ZNF41: variants seen among roughly 807,000 people sequenced by gnomAD.
The protein encoded by ZNF41 is zinc finger protein 41.
In ZNF41, 6 loss-of-function variants were observed where a neutral mutation model predicts 9.3. The observed-to-expected ratio is 0.65, with a 90% CI of 0.35 to 1.28. ZNF41 has a LOEUF of 1.28. Among genes scored for constraint, ZNF41 ranks in the 50% most tolerant of loss-of-function variants. The probability of loss-of-function intolerance (pLI) is 0.03; values close to 1 mark genes in which losing one functional copy is unlikely to be tolerated. For synonymous variants in ZNF41, 192 were observed against 207.1 expected (o/e 0.93, Z 0.63); for missense variants, 523 against 585.8 (o/e 0.89, Z 1.11).
intron 2 of ZNF41, among the ~76,000 whole-genome samples, chrX:47,462,211 G>A (rs1193945767): frequency 9.0e-6 from 1 of 110,613 alleles, no homozygotes; most frequent in East Asian, 2.8e-4. Flanking sequence ...ACTCCTCCCT[G>A]TCCATCTGAG....
chrX:47,468,200 A>C (rs751866108), intron 1 of ZNF41, among the ~76,000 whole-genome samples: 2 of 111,356 alleles, frequency 1.8e-5, no homozygotes, highest in East Asian at 5.6e-4. Context: ...AGGGGGAAGG[A>C]CAAGGATTCA....
intron 2 of ZNF41, among the ~76,000 whole-genome samples, chrX:47,466,340 G>A (rs1348978303): frequency 9.0e-6 from 1 of 110,586 alleles, no homozygotes; most frequent in Non-Finnish European, 1.9e-5. Flanking sequence ...TGGCTCGCTC[G>A]TGGTCCTCCT....
Position 47,448,065 on chromosome X carries a change from G to T in ZNF41, c.1705C>A (p.His569Asn), listed in dbSNP as rs770713131. 1.2e-5 allele frequency: 14 copies of T among 1,209,831 alleles called. No homozygotes were observed. In the East Asian group the frequency reaches 4.1e-4, roughly 36 times the overall value. ...CTCTCTCCAATATGAGATTTCTGAT[G>T]TATTTTGAGGCGCGACTTCCATATG... The part of the protein sequence containing the change: ...AFIWKSRLKI[H>N]QKSHIGERHY... The change falls in exon 5 of 5, where the codon CAT (histidine) becomes AAT (asparagine). Residue 569 changes from histidine to asparagine, a missense_variant. Transcript: ENST00000684689.
intron 2 of ZNF41, among the ~76,000 whole-genome samples, chrX:47,465,854 G>A (rs1016578480): frequency 4.5e-5 from 5 of 112,130 alleles, no homozygotes; most frequent in South Asian, 3.7e-4. Flanking sequence ...ATAGTGAACT[G>A]GCTAAATTAT....
chrX:47,455,956 A>G lies in ZNF41; in HGVS notation c.260T>C (p.Met87Thr). The G allele has an allele frequency of 5.0e-6, 6 of 1,211,810 alleles. No individual in the cohort carries two copies. The highest frequency in any genetic ancestry group is 6.7e-6 in the Non-Finnish European group (6 of 895,496). ...CTGATGTGGGGCTTCCCCCTCCAGC[A>G]TCCATGGCCCCTCTCCTTGCTCCAA... ...FKLEQGEGPW[M>T]LEGEAPHQSC... The change falls in exon 4 of 5, where the codon ATG becomes ACG. Residue 87 changes from methionine (M) to threonine (T), a missense_variant. Transcript: ENST00000684689.
intron 2 of ZNF41, among the ~76,000 whole-genome samples, chrX:47,465,885 GA>G (rs2056965916): frequency 8.9e-6 from 1 of 112,175 alleles, no homozygotes; most frequent in Admixed American, 9.5e-5. Context: ...AGTGTATGAA[GA>G]AAAATACTTG....
intron 2 of ZNF41, among the ~76,000 whole-genome samples, chrX:47,459,595 T>C (rs1004877316): frequency 5.6e-5 from 6 of 106,758 alleles, no homozygotes; most frequent in Non-Finnish European, 1.2e-4. Flanking sequence ...ACACAAAAAA[T>C]TAGCCAGGCA....
Position 47,447,335 on chromosome X carries a change from TC to T in ZNF41, c.*94del. The stretch of plus-strand genomic sequence containing the variant: ...CAAGCCTCAGTCTCTCATACCCATT[TC>T]CCCCTGTACAATGATTGCAGCAACA... On this transcript the variant is annotated 3_prime_UTR_variant, in exon 5 of 5. Coordinates refer to ENST00000684689, the MANE Select transcript of ZNF41 (RefSeq NM_001324144.2). 1 of 1,119,830 alleles carries T rather than the reference TC, an allele frequency of 8.9e-7. No individual in the cohort carries two copies. The highest frequency in any genetic ancestry group is 1.8e-5 in the African/African-American group (1 of 56,184). 92.3% of individuals were successfully genotyped at this position (1,119,830 alleles called of 1,213,427 possible).
At chrX:47,478,321 T>C (rs1162031016) in intron 1 of ZNF41, among the ~76,000 whole-genome samples, 2 of 111,383 alleles carry the variant, frequency 1.8e-5, no homozygotes, top group Non-Finnish European at 3.8e-5. Context: ...GCCTGACCAA[T>C]ATGTTGAAAT....
intron 2 of ZNF41, among the ~76,000 whole-genome samples, chrX:47,465,352 T>C (rs953663631): frequency 6.2e-5 from 7 of 112,114 alleles, no homozygotes; most frequent in African/African-American, 9.7e-5. Flanking sequence ...TGAGATCTAT[T>C]GCAGTTTGGT....
chrX:47,452,675 C>A (rs2056412267), intron 4 of ZNF41, among the ~76,000 whole-genome samples: 2 of 112,381 alleles, frequency 1.8e-5, no homozygotes, highest in Non-Finnish European at 3.8e-5. Context: ...TCACTGCAAC[C>A]TCTGCCTCCT....
chrX:47,466,709 G>C (rs1415116844), intron 2 of ZNF41, among the ~76,000 whole-genome samples: 1 of 110,200 alleles, frequency 9.1e-6, no homozygotes, highest in Non-Finnish European at 1.9e-5. Context: ...AGTAGAGATG[G>C]GGGTTCGCCA....
Position 47,447,612 on chromosome X carries a change from CAT to C in ZNF41, c.2156_2157del (p.Tyr719Ter). Reference protein sequence around the residue: ...HQKSHTGERHYECSKCGKAFI... With the variant: ...HQKSHTGERHXECSKCGKAFI... Reference sequence around the variant, plus strand: ...AAAGCTTTCCCACATTTACTACATTCATAGTGTCTTTCTCCAGTATGAGACTT... The same window carrying C: ...AAAGCTTTCCCACATTTACTACATTCAGTGTCTTTCTCCAGTATGAGACTT... On this transcript the variant is annotated frameshift_variant, in exon 5 of 5. Coordinates refer to ENST00000684689, the MANE Select transcript of ZNF41 (RefSeq NM_001324144.2). LOFTEE classifies it low-confidence loss of function (END_TRUNC). 1 of 1,211,689 alleles carries C rather than the reference CAT, an allele frequency of 8.3e-7. No homozygotes were observed. The highest frequency in any genetic ancestry group is 1.1e-6 in the Non-Finnish European group (1 of 895,417).
chrX:47,448,700 C>G lies in ZNF41; in HGVS notation c.1070G>C (p.Cys357Ser). 8.3e-7 allele frequency: 1 copy of G among 1,211,629 alleles called. No homozygotes were observed. The highest frequency in any genetic ancestry group is 1.1e-6 in the Non-Finnish European group (1 of 895,529). ...KIHTGQKPYKCSECGKAFFQR... is the reference protein window; with the variant it reads ...KIHTGQKPYKSSECGKAFFQR... Reference sequence around the variant, plus strand: ...GAAAAAGGCTTTTCCACATTCACTGCATTTGTAGGGTTTCTGCCCGGTATG... The same window carrying G: ...GAAAAAGGCTTTTCCACATTCACTGGATTTGTAGGGTTTCTGCCCGGTATG... The change falls in exon 5 of 5, where the codon TGC becomes TCC. Residue 357 changes from cysteine (C) to serine (S), a missense_variant. Transcript: ENST00000684689.
intron 1 of ZNF41, among the ~76,000 whole-genome samples, chrX:47,475,139 G>A (rs759331166): frequency 9.4e-6 from 1 of 105,970 alleles, no homozygotes; most frequent in South Asian, 4.1e-4. Context: ...CCCTGATCAA[G>A]GTAAAAGAGA....
chrX:47,453,117 T>G (rs925191980), intron 4 of ZNF41, among the ~76,000 whole-genome samples: 3 of 111,823 alleles, frequency 2.7e-5, no homozygotes, highest in Non-Finnish European at 5.6e-5. Context: ...GAAATAGAGA[T>G]GGAATCTTGT....
rs746904696 is a variant in ZNF41, at chrX:47,447,188, G to A, written c.*242C>T. 11 of 407,047 alleles carry A rather than the reference G, an allele frequency of 2.7e-5. No homozygotes were observed. Among genetic ancestry groups the A allele is most frequent in the African/African-American group, 7.6e-5 (3 of 39,735 alleles). 33.5% of individuals were successfully genotyped at this position (407,047 alleles called of 1,213,427 possible). A position where few individuals can be genotyped will look rare whatever the true frequency, so the allele number is the denominator to read the frequency against. On this transcript the variant is annotated 3_prime_UTR_variant, in exon 5 of 5. Coordinates refer to ENST00000684689, the MANE Select transcript of ZNF41 (RefSeq NM_001324144.2). The stretch of plus-strand genomic sequence containing the variant: ...AATCATGTCACCAAACATGACTTTC[G>A]CTCAAATGCTTTCTCTAAAGGCTCT...
In ZNF41 at chrX:47,474,951, C is replaced by T. The variant is rs150093645; in HGVS notation, c.-279-7191G>A. On this transcript the variant is annotated intron_variant, in intron 1 of 4. Coordinates refer to ENST00000684689, the MANE Select transcript of ZNF41 (RefSeq NM_001324144.2). ...ATCCCAGCACTTTGGGAGGCCGAGG[C>T]GGGTGGATCACGAGGTCAGGAGATT... is the stretch of plus-strand genomic sequence containing the variant. 5.5e-4 allele frequency among the ~76,000 whole-genome samples: 57 copies of T among 103,622 alleles called. 1 individual carries two copies. Among genetic ancestry groups the T allele is most frequent in the African/African-American group, 1.6e-3 (46 of 28,268 alleles). The allele number at this position is 103,622 out of a possible 115,157, so 90.0% of individuals were successfully genotyped here.
In ZNF41 at chrX:47,448,441, G is replaced by A. The variant is rs868761000; in HGVS notation, c.1329C>T (p.Asp443=). ...ATTTCTGGATGAAGGCCTTCCCACA[G>A]TCAGCGCATACATAAGGTTTCTCTC... The part of the protein sequence containing the change: ...HTGEKPYVCA[D]CGKAFIQKSH... Residue 443 remains aspartate, a synonymous_variant, in exon 5 of 5, where the codon GAC becomes GAT. Coordinates refer to ENST00000684689, the MANE Select transcript of ZNF41 (RefSeq NM_001324144.2). The A allele has an allele frequency of 3.3e-6, 4 of 1,209,306 alleles. No individual in the cohort carries two copies. Among genetic ancestry groups the A allele is most frequent in the Non-Finnish European group, 4.5e-6 (4 of 895,104 alleles).
Sources: gnomAD v4.1 joint callset for allele counts (sites outside exome capture counted in the v4.1 genomes callset) on GRCh38, gnomAD v4.1.1 for gene constraint, MANE v1.5 for transcripts, NCBI Gene and HGNC (gene_info 2026-07-23, HGNC 2026-07-21) for gene names.